Variants in SPRY3 observed in about 807,000 individuals in gnomAD.
The protein encoded by SPRY3 is protein sprouty homolog 3.
In SPRY3, 15 loss-of-function variants were observed where a neutral mutation model predicts 20.2. The ratio of observed to expected loss-of-function variants is 0.74; its 90% CI spans 0.50 to 1.14. SPRY3 has a LOEUF of 1.14. Ranked by LOEUF, SPRY3 falls within the 50% of genes most tolerant of loss-of-function variation. SPRY3 has a pLI of 0.00. For missense variants in SPRY3, 364 were observed against 363.9 expected (o/e 1.00, Z 0.00); for synonymous variants, 143 against 136.5 (o/e 1.05, Z -0.33).
intron 3 of SPRY3, among the ~76,000 whole-genome samples, chrX:155,770,712 C>A (rs2091375249): frequency 6.6e-6 from 1 of 152,040 alleles, no homozygotes; most frequent in Non-Finnish European, 1.5e-5. Context: ...TTGCTGCTCA[C>A]AATGAATGGC....
chrX:155,622,606 C>T (rs2067875049), intron 1 of SPRY3, among the ~76,000 whole-genome samples: 1 of 112,231 alleles, frequency 8.9e-6, no homozygotes, highest in African/African-American at 3.2e-5. Flanking sequence ...GAAAGCAGTA[C>T]TTGTACAAAT....
chrX:155,729,686 T>C (rs1437862468), intron 2 of SPRY3, among the ~76,000 whole-genome samples: 3 of 150,564 alleles, frequency 2.0e-5, no homozygotes, highest in Non-Finnish European at 4.5e-5. Context: ...AACCAAAAGT[T>C]AGTAGAGAAA....
chrX:155,738,073 C>G (rs1355670972), intron 2 of SPRY3, among the ~76,000 whole-genome samples: 1 of 151,988 alleles, frequency 6.6e-6, no homozygotes, highest in Non-Finnish European at 1.5e-5. Context: ...TAAATGTAAA[C>G]TGTAAAACAT....
intron 1 of SPRY3, among the ~76,000 whole-genome samples, chrX:155,652,850 C>A (rs782113657): frequency 9.0e-6 from 1 of 111,672 alleles, no homozygotes; most frequent in Non-Finnish European, 1.9e-5. Flanking sequence ...GTTGATGGTT[C>A]AGTTTATCTA....
At chrX:155,754,000 T>C (rs2091274239) in intron 2 of SPRY3, among the ~76,000 whole-genome samples, 2 of 152,006 alleles carry the variant, frequency 1.3e-5, no homozygotes, top group African/African-American at 4.8e-5. Context: ...CCTTATCAGA[T>C]ATATGACTGG....
At chrX:155,704,271 C>T (rs1396097246) in intron 2 of SPRY3, among the ~76,000 whole-genome samples, 1 of 151,550 alleles carries the variant, frequency 6.6e-6, no homozygotes, top group Non-Finnish European at 1.5e-5. Context: ...AAAAAGTGGA[C>T]AACACACAAG....
intron 3 of SPRY3, among the ~76,000 whole-genome samples, chrX:155,770,311 T>C (rs1177571357): frequency 1.3e-5 from 2 of 152,186 alleles, no homozygotes; most frequent in Non-Finnish European, 2.9e-5. Flanking sequence ...CATGGCAGAT[T>C]TTAGGTTCCA....
At chrX:155,616,046 G>T (rs1239168199) in intron 1 of SPRY3, among the ~76,000 whole-genome samples, 1 of 106,392 alleles carries the variant, frequency 9.4e-6, no homozygotes, top group Non-Finnish European at 1.9e-5. Context: ...GGATTCCAGT[G>T]ACATTGACTC....
intron 2 of SPRY3, among the ~76,000 whole-genome samples, chrX:155,692,180 AGCTTTATATTTTAC>A (rs2068104545): frequency 1.8e-5 from 2 of 109,447 alleles, no homozygotes; most frequent in African/African-American, 6.9e-5. Context: ...AAATGGGTAC[AGCTTTATATTTTAC>A]ATTTAGCTCC....
chrX:155,725,147 C>A (rs2091088632), intron 2 of SPRY3, among the ~76,000 whole-genome samples: 1 of 152,116 alleles, frequency 6.6e-6, no homozygotes, highest in Non-Finnish European at 1.5e-5. Flanking sequence ...GTTGAACTAG[C>A]CTTGCATCCC....
chrX:155,716,991 T>A lies in SPRY3; in HGVS notation c.-281-50971T>A, dbSNP rs1239279367. Among the ~76,000 whole-genome samples, 387 of 69,886 alleles carry A rather than the reference T, an allele frequency of 5.5e-3. 15 individuals are homozygous for A. The highest frequency in any genetic ancestry group is 0.018 in the African/African-American group (173 of 9,490). 45.8% of individuals were successfully genotyped at this position (69,886 alleles called of 152,430 possible). A position where few individuals can be genotyped will look rare whatever the true frequency, so the allele number is the denominator to read the frequency against. ...TCCACTAAAATACAAAATATATATA[T>A]ATATATATATATATATATATAGCTG... On this transcript the variant is annotated intron_variant, in intron 2 of 3. Transcript: ENST00000675360.
At position 155,688,058 on chromosome X, in the gene SPRY3, C is replaced by T. The variant is rs187889944; in HGVS notation, c.-282+31033C>T. On this transcript the variant is annotated intron_variant, in intron 2 of 3. Coordinates refer to ENST00000675360, the Ensembl canonical transcript of SPRY3. ...TCCCTCCCCCCACCCCTCCCCCGCC[C>T]CATTGTGTGTTGTTCTCCTCCCTGT... is the stretch of plus-strand genomic sequence containing the variant. 2.3e-3 allele frequency among the ~76,000 whole-genome samples: 220 copies of T among 93,956 alleles called. 5 individuals carry two copies. Among genetic ancestry groups the T allele is most frequent in the Admixed American group, 0.018 (159 of 8,639 alleles). The allele number at this position is 93,956 out of a possible 115,157, so 81.6% of individuals were successfully genotyped here. A position where few individuals can be genotyped will look rare whatever the true frequency, so the allele number is the denominator to read the frequency against.
At chrX:155,774,486 C>A in exon 4 of SPRY3, 1 of 1,613,996 alleles carries the variant, frequency 6.2e-7, no homozygotes, top group Non-Finnish European at 8.5e-7. Flanking sequence ...ATGAAGACAA[C>A]TGTGCTGATG....
intron 1 of SPRY3, among the ~76,000 whole-genome samples, chrX:155,636,920 A>G (rs2067925260): frequency 9.3e-6 from 1 of 107,434 alleles, no homozygotes; most frequent in African/African-American, 3.4e-5. Context: ...CATTCTCAGT[A>G]AACTATCGCA....
intron 2 of SPRY3, chrX:155,767,737 AGAGAGGAGGAGGAG>A (rs1468794623): frequency 8.5e-5 from 4 of 47,174 alleles, no homozygotes; most frequent in South Asian, 1.2e-3. Flanking sequence ...GGAGGAGGAG[AGAGAGGAGGAGGAG>A]GAGAGAGAGG....
At chrX:155,761,396 G>A (rs2091303642) in intron 2 of SPRY3, among the ~76,000 whole-genome samples, 1 of 151,830 alleles carries the variant, frequency 6.6e-6, no homozygotes, top group Non-Finnish European at 1.5e-5. Flanking sequence ...TCTTTTTCAT[G>A]GCTGCATAGT....
intron 2 of SPRY3, among the ~76,000 whole-genome samples, chrX:155,706,401 A>G (rs1033341473): frequency 2.6e-5 from 4 of 151,198 alleles, no homozygotes; most frequent in African/African-American, 9.7e-5. Context: ...TTAAATTCTT[A>G]TATTAGGAAA....
intron 2 of SPRY3, among the ~76,000 whole-genome samples, chrX:155,718,324 A>G (rs1041029750): frequency 6.6e-6 from 1 of 152,202 alleles, no homozygotes; most frequent in Non-Finnish European, 1.5e-5. Context: ...GATTGTGTTC[A>G]GAAAAATACC....
At chrX:155,637,894 A>G (rs2067928485) in intron 1 of SPRY3, among the ~76,000 whole-genome samples, 1 of 110,091 alleles carries the variant, frequency 9.1e-6, no homozygotes, top group Non-Finnish European at 1.9e-5. Context: ...CAAGCAATTT[A>G]CAGGCACACC....
Sources: gnomAD v4.1 joint callset for allele counts (sites outside exome capture counted in the v4.1 genomes callset) on GRCh38, gnomAD v4.1.1 for gene constraint, MANE v1.5 for transcripts, NCBI Gene and HGNC (gene_info 2026-07-23, HGNC 2026-07-21) for gene names.